Variants in TNS1 observed in about 807,000 individuals in gnomAD.
TNS1 encodes tensin 1.
In TNS1, 62 loss-of-function variants were observed where a neutral mutation model predicts 168.6. The ratio of observed to expected loss-of-function variants is 0.37; its 90% CI spans 0.30 to 0.45. The LOEUF (loss-of-function observed/expected upper bound fraction) is 0.45, where lower values mean the gene tolerates loss of function less well. TNS1 is among the 20% of genes least tolerant of loss of function. The probability of loss-of-function intolerance (pLI) is 1.00; values close to 1 mark genes in which losing one functional copy is unlikely to be tolerated. For missense variants in TNS1, 2,240 were observed against 2,339.4 expected, an observed-to-expected ratio of 0.96 and a Z score of 0.88; for synonymous variants, 934 against 933.2, an observed-to-expected ratio of 1.00 and a Z score of -0.02.
chr2:218,015,301 T>C (rs192434950), upstream of TNS1, among the ~76,000 whole-genome samples: 1 of 152,176 alleles, frequency 6.6e-6, no homozygotes, highest in Admixed American at 6.5e-5. Context: ...AGTCACGGCT[T>C]TTCCATAGCA....
chr2:217,892,134 G>C (rs1249049090), intron 11 of TNS1, among the ~76,000 whole-genome samples: 1 of 152,114 alleles, frequency 6.6e-6, no homozygotes, highest in Non-Finnish European at 1.5e-5. Context: ...GAGTCTCCCT[G>C]TCTCCCAGGC....
chr2:217,917,805 T>C (rs1411070495), intron 4 of TNS1, among the ~76,000 whole-genome samples: 1 of 127,700 alleles, frequency 7.8e-6, no homozygotes, highest in Non-Finnish European at 1.6e-5. Context: ...CACTCCAGCC[T>C]GGGCAACACA....
chr2:218,008,309 C>T (rs1362637364), intron 1 of TNS1, among the ~76,000 whole-genome samples: 2 of 152,328 alleles, frequency 1.3e-5, no homozygotes, highest in South Asian at 2.1e-4. Flanking sequence ...CATCCACCCC[C>T]GACCCCCAGT....
intron 4 of TNS1, among the ~76,000 whole-genome samples, chr2:217,909,669 G>T (rs776480391): frequency 9.9e-5 from 15 of 152,082 alleles, no homozygotes; most frequent in Non-Finnish European, 2.1e-4. Flanking sequence ...ACAGGTCCCA[G>T]ATGCTTCTCC....
intron 3 of TNS1, among the ~76,000 whole-genome samples, chr2:217,938,217 G>A (rs1191076923): frequency 1.3e-5 from 2 of 152,232 alleles, no homozygotes; most frequent in Non-Finnish European, 2.9e-5. Flanking sequence ...GTCCGGAAAT[G>A]GAGTTCACCC....
At chr2:217,889,839 C>T (rs538895164) in intron 12 of TNS1, among the ~76,000 whole-genome samples, 2 of 152,360 alleles carry the variant, frequency 1.3e-5, no homozygotes, top group African/African-American at 2.4e-5. Context: ...GCTGGGCCTG[C>T]GTCCCACCAT....
intron 6 of TNS1, chr2:217,905,380 CG>C: frequency 2.2e-6 from 1 of 452,072 alleles, no homozygotes; most frequent in Non-Finnish European, 4.5e-6. Context: ...GGGATGCTGC[CG>C]CTTTGTAGGG....
chr2:217,942,472 T>G (rs10427203), intron 3 of TNS1, among the ~76,000 whole-genome samples: 10,644 of 152,158 alleles, frequency 0.07, 522 homozygotes, highest in African/African-American at 0.14. Context: ...GGCCAGAGGT[T>G]TCAGGCAAGG....
At chr2:218,029,826 G>C (rs182628078) in intron 1 of TNS1, among the ~76,000 whole-genome samples, 21 of 152,334 alleles carry the variant, frequency 1.4e-4, no homozygotes, top group African/African-American at 4.3e-4. Flanking sequence ...GACTCTGCAT[G>C]CCAAGTATGT....
chr2:217,991,043 T>G lies in TNS1; in HGVS notation c.47A>C (p.Glu16Ala). 1 of 678,524 alleles carries G rather than the reference T, an allele frequency of 1.5e-6. No individual in the cohort carries two copies. The highest frequency in any genetic ancestry group is 1.6e-5 in the South Asian group (1 of 64,428). The allele number at this position is 678,524 out of a possible 1,614,324, so 42.0% of individuals were successfully genotyped here. A position where few individuals can be genotyped will look rare whatever the true frequency, so the allele number is the denominator to read the frequency against. The change falls in exon 2 of 33, where the codon GAG (glutamate) becomes GCG (alanine). Residue 16 changes from glutamate (E) to alanine (A), a missense_variant. Around this residue, in one of 2 missense-constraint regions of TNS1, gnomAD observed 2,131 missense variants for 2,171.2 expected, o/e 0.98. Transcript: ENST00000682258. Reference protein sequence around the residue: ...LSCMLWPEDLEAPKTHRFKVK... With the variant: ...LSCMLWPEDLAAPKTHRFKVK... Reference sequence around the variant, plus strand: ...CTTGAAGCGGTGTGTCTTGGGGGCCTCCAGATCCTCTGGCTGTGGGAGGAG... The same window carrying G: ...CTTGAAGCGGTGTGTCTTGGGGGCCGCCAGATCCTCTGGCTGTGGGAGGAG...
At chr2:217,858,701 C>CACA (rs1553571527) in intron 18 of TNS1, 34 of 192,314 alleles carry the variant, frequency 1.8e-4, no homozygotes, top group Non-Finnish European at 2.7e-4. Context: ...CACACACACA[C>CACA]CCCACTCCCT....
chr2:217,817,114 G>A (rs1942014072), intron 24 of TNS1, among the ~76,000 whole-genome samples: 1 of 152,182 alleles, frequency 6.6e-6, no homozygotes, highest in Non-Finnish European at 1.5e-5. Flanking sequence ...TTGGAAGGCA[G>A]GTTTTCAAGG....
chr2:218,019,930 G>A (rs866874354), intron 1 of TNS1, among the ~76,000 whole-genome samples: 58 of 151,814 alleles, frequency 3.8e-4, no homozygotes, highest in African/African-American at 1.2e-3. Flanking sequence ...CCCCCTGCCC[G>A]CTCCCCCACT....
intron 22 of TNS1, among the ~76,000 whole-genome samples, chr2:217,822,749 G>A (rs958893040): frequency 6.6e-6 from 1 of 152,208 alleles, no homozygotes. Context: ...GCTGAGGCCC[G>A]ACAAGGGAAA....
chr2:217,878,750 G>A (rs895242379), intron 18 of TNS1, among the ~76,000 whole-genome samples: 3 of 152,186 alleles, frequency 2.0e-5, no homozygotes, highest in East Asian at 1.9e-4. Context: ...AGGTCAAACC[G>A]AGGCCCCAAG....
At chr2:217,832,488 G>A (rs1351529073) in intron 21 of TNS1, among the ~76,000 whole-genome samples, 1 of 152,138 alleles carries the variant, frequency 6.6e-6, no homozygotes, top group Non-Finnish European at 1.5e-5. Context: ...TCCTATCAAC[G>A]ACATTGGGAG....
At chr2:218,008,819 C>T (rs927088912) in intron 1 of TNS1, among the ~76,000 whole-genome samples, 1 of 152,162 alleles carries the variant, frequency 6.6e-6, no homozygotes, top group Non-Finnish European at 1.5e-5. Context: ...TCCCTACATA[C>T]TCCAACTCTG....
intron 9 of TNS1, among the ~76,000 whole-genome samples, chr2:217,894,344 C>T (rs1289838345): frequency 6.6e-6 from 1 of 152,144 alleles, no homozygotes; most frequent in Non-Finnish European, 1.5e-5. Flanking sequence ...ACACACAGCC[C>T]CCGAGCAAAC....
At chr2:217,975,279 C>T (rs561810112) in intron 3 of TNS1, among the ~76,000 whole-genome samples, 2 of 152,224 alleles carry the variant, frequency 1.3e-5, no homozygotes. Context: ...CATGAGAGAC[C>T]CCTAGCCAGA....
Sources: allele counts gnomAD v4.1 joint callset (sites outside exome capture counted in the v4.1 genomes callset), GRCh38; gene constraint gnomAD v4.1.1; regional missense constraint gnomAD v4.1.1; transcripts MANE v1.5; gene names NCBI Gene and HGNC (gene_info 2026-07-23, HGNC 2026-07-21).